Variants in ARID2 observed in about 807,000 individuals in gnomAD.
ARID2 encodes the protein AT-rich interaction domain 2.
ARID2 carries 32 observed loss-of-function variants against 184.6 expected under a neutral mutation model. The observed-to-expected ratio is 0.17, with a 90% CI of 0.13 to 0.23. The LOEUF is 0.23. Ranked by LOEUF, ARID2 falls within the 10% of genes least tolerant of loss-of-function variation. The pLI is 1.00. For missense variants in ARID2, 1,696 were observed against 2,197.6 expected (o/e 0.77, Z 4.56); for synonymous variants, 836 against 772.6 (o/e 1.08, Z -1.36).
intron 20 of ARID2, chr12:45,904,305 C>G: frequency 1.4e-6 from 1 of 715,052 alleles, no homozygotes; most frequent in Non-Finnish European, 2.6e-6. Context: ...TTGTTCCTCT[C>G]CAGCTGTTTT....
chr12:45,880,716 A>C (rs1054360745), intron 16 of ARID2, among the ~76,000 whole-genome samples: 1 of 152,222 alleles, frequency 6.6e-6, no homozygotes, highest in Non-Finnish European at 1.5e-5. Context: ...TTATTTATAC[A>C]TGCTGATGTC....
chr12:45,877,715 T>C (rs574333371), intron 16 of ARID2, among the ~76,000 whole-genome samples: 4 of 152,306 alleles, frequency 2.6e-5, no homozygotes, highest in Admixed American at 6.5e-5. Context: ...ATTTCACTTA[T>C]CTGTAAGCTA....
intron 3 of ARID2, among the ~76,000 whole-genome samples, chr12:45,796,773 A>G (rs1942399687): frequency 6.6e-6 from 1 of 152,326 alleles, no homozygotes; most frequent in South Asian, 2.1e-4. Context: ...TTGGCCTCCC[A>G]GAGTGAATAC....
At chr12:45,747,196 G>A (rs1282656558) in intron 3 of ARID2, among the ~76,000 whole-genome samples, 1 of 152,150 alleles carries the variant, frequency 6.6e-6, no homozygotes, top group East Asian at 1.9e-4. Flanking sequence ...AAAATGGTTA[G>A]GGTAGTTGTG....
At chr12:45,799,811 C>T (rs1442373739) in intron 3 of ARID2, among the ~76,000 whole-genome samples, 1 of 152,126 alleles carries the variant, frequency 6.6e-6, no homozygotes, top group African/African-American at 2.4e-5. Context: ...TAAATTACCC[C>T]ATCATGACTT....
chr12:45,740,940 C>T (rs1941241766), intron 3 of ARID2, among the ~76,000 whole-genome samples: 1 of 152,082 alleles, frequency 6.6e-6, no homozygotes, highest in Admixed American at 6.5e-5. Flanking sequence ...AGGTGGTATC[C>T]TCCTGATTTC....
At chr12:45,793,742 T>C (rs1404551671) in intron 3 of ARID2, among the ~76,000 whole-genome samples, 1 of 151,778 alleles carries the variant, frequency 6.6e-6, no homozygotes, top group Non-Finnish European at 1.5e-5. Flanking sequence ...TATATATATA[T>C]ACACTTTTTT....
At chr12:45,766,130 T>C (rs1941765953) in intron 3 of ARID2, among the ~76,000 whole-genome samples, 1 of 152,156 alleles carries the variant, frequency 6.6e-6, no homozygotes, top group Non-Finnish European at 1.5e-5. Flanking sequence ...AATGAACATA[T>C]TGTTTTATGT....
intron 6 of ARID2, among the ~76,000 whole-genome samples, chr12:45,830,792 A>G (rs939818618): frequency 5.3e-5 from 8 of 152,170 alleles, no homozygotes; most frequent in African/African-American, 7.2e-5. Flanking sequence ...GCTCACGCCT[A>G]TAATCCCAAC....
intron 6 of ARID2, among the ~76,000 whole-genome samples, chr12:45,826,703 A>ACCACCC (rs1379246692): frequency 6.6e-6 from 1 of 151,988 alleles, no homozygotes; most frequent in East Asian, 1.9e-4. Flanking sequence ...ATAAGCATGA[A>ACCACCC]CCACCCTGTC....
At chr12:45,865,359 A>T (rs1444843043) in intron 16 of ARID2, among the ~76,000 whole-genome samples, 1 of 152,138 alleles carries the variant, frequency 6.6e-6, no homozygotes, top group East Asian at 1.9e-4. Context: ...TAACTTGAAA[A>T]GGTTTTTCTC....
chr12:45,735,300 A>G (rs1033427070), intron 3 of ARID2, among the ~76,000 whole-genome samples: 1 of 152,214 alleles, frequency 6.6e-6, no homozygotes, highest in Non-Finnish European at 1.5e-5. Flanking sequence ...ACGGAACTGA[A>G]TAAACTGATT....
intron 16 of ARID2, among the ~76,000 whole-genome samples, chr12:45,875,431 G>T (rs1943995344): frequency 6.6e-6 from 1 of 152,136 alleles, no homozygotes; most frequent in Non-Finnish European, 1.5e-5. Context: ...TTTCAGAATG[G>T]CCAATGAGCA....
At chr12:45,788,412 T>C (rs1019569938) in intron 3 of ARID2, among the ~76,000 whole-genome samples, 1 of 152,184 alleles carries the variant, frequency 6.6e-6, no homozygotes, top group African/African-American at 2.4e-5. Context: ...AGTTCCAAGT[T>C]TGATTTCATT....
chr12:45,787,394 T>TA (rs1942215232), intron 3 of ARID2, among the ~76,000 whole-genome samples: 1 of 151,662 alleles, frequency 6.6e-6, no homozygotes, highest in African/African-American at 2.4e-5. Context: ...AATTTTTGTT[T>TA]ATTATTATTA....
chr12:45,743,570 C>T (rs1195211269), intron 3 of ARID2, among the ~76,000 whole-genome samples: 4 of 152,140 alleles, frequency 2.6e-5, no homozygotes, highest in Admixed American at 1.3e-4. Flanking sequence ...TAGTGCCAAT[C>T]CCATCTCATA....
chr12:45,887,579 A>C (rs1451902553), intron 16 of ARID2, among the ~76,000 whole-genome samples: 2 of 152,280 alleles, frequency 1.3e-5, no homozygotes, highest in Non-Finnish European at 2.9e-5. Context: ...AGGAAAGATT[A>C]GGCTCATAGA....
intron 3 of ARID2, among the ~76,000 whole-genome samples, chr12:45,749,934 T>C (rs1941428418): frequency 6.6e-6 from 1 of 152,226 alleles, no homozygotes. Context: ...CACTCAGACT[T>C]TCTACTTACC....
intron 6 of ARID2, among the ~76,000 whole-genome samples, chr12:45,825,060 A>C (rs188986483): frequency 6.6e-6 from 1 of 152,034 alleles, no homozygotes; most frequent in Non-Finnish European, 1.5e-5. Context: ...TTGGAGGTAG[A>C]GTAGATTGGT....
Sources: allele counts gnomAD v4.1 joint callset (sites outside exome capture counted in the v4.1 genomes callset), GRCh38; gene constraint gnomAD v4.1.1; transcripts MANE v1.5; gene names NCBI Gene and HGNC (gene_info 2026-07-23, HGNC 2026-07-21).